PALS2: variants seen among roughly 807,000 people sequenced by gnomAD.
PALS2 encodes protein associated with LIN7 2, MAGUK p55 family member.
PALS2 carries 27 observed loss-of-function variants against 61.6 expected under a neutral mutation model. The observed-to-expected ratio is 0.44, with a 90% CI of 0.32 to 0.60. The LOEUF is 0.60. Ranked by LOEUF, PALS2 falls within the 20% of genes least tolerant of loss-of-function variation. The pLI is 0.05. For missense variants in PALS2, 554 were observed against 639.4 expected (o/e 0.87, Z 1.44); for synonymous variants, 236 against 218.6 (o/e 1.08, Z -0.70).
In PALS2 at chr7:24,638,622, C is replaced by T. The variant is rs1477515841; in HGVS notation, c.118-3094C>T. 8.9e-5 allele frequency among the ~76,000 whole-genome samples: 4 copies of T among 44,948 alleles called. 1 individual carries two copies. Among genetic ancestry groups the T allele is most frequent in the Non-Finnish European group, 1.4e-4 (4 of 29,444 alleles). 29.5% of individuals were successfully genotyped at this position (44,948 alleles called of 152,430 possible). A position where few individuals can be genotyped will look rare whatever the true frequency, so the allele number is the denominator to read the frequency against. ...CTGGGATTACAGGCGTGAGCCACCGCGCCCGGCCAATTTCTGTATTTTCTA... is the reference window on the plus strand; with the variant it reads ...CTGGGATTACAGGCGTGAGCCACCGTGCCCGGCCAATTTCTGTATTTTCTA... On this transcript the variant is annotated intron_variant, in intron 2 of 11. Transcript: ENST00000222644.
intron 1 of PALS2, among the ~76,000 whole-genome samples, chr7:24,603,889 C>G (rs1466311961): frequency 1.3e-5 from 2 of 152,018 alleles, no homozygotes; most frequent in Non-Finnish European, 2.9e-5. Flanking sequence ...GTTAAGGGTT[C>G]CATATTCAAC....
At chr7:24,592,323 G>C (rs1164531229) in intron 1 of PALS2, among the ~76,000 whole-genome samples, 2 of 152,086 alleles carry the variant, frequency 1.3e-5, no homozygotes, top group Non-Finnish European at 2.9e-5. Context: ...TGAATTTACA[G>C]CAGTATGAAG....
chr7:24,686,198 A>G (rs73079940), intron 11 of PALS2, among the ~76,000 whole-genome samples: 7,080 of 152,248 alleles, frequency 0.047, 215 homozygotes, highest in Non-Finnish European at 0.071. Flanking sequence ...TGATTATTTT[A>G]TCACCAAAAT....
rs769360618 is a variant in PALS2, at chr7:24,663,581, G to T, written c.652-9G>T. On this transcript the variant is annotated splice_polypyrimidine_tract_variant and intron_variant, in intron 5 of 11. Transcript: ENST00000222644. ...ACTATAGTATTTTTAATTGTGCTAT[G>T]TGTTTTAGGTATTTGTGAAGTGTCA... is the stretch of plus-strand genomic sequence containing the variant. 20 of 1,576,768 alleles carry T rather than the reference G, an allele frequency of 1.3e-5. No homozygotes were observed. The highest frequency in any genetic ancestry group is 1.7e-5 in the Non-Finnish European group (20 of 1,155,774).
chr7:24,613,086 A>G (rs1351331812), intron 1 of PALS2, among the ~76,000 whole-genome samples: 1 of 151,624 alleles, frequency 6.6e-6, no homozygotes, highest in Non-Finnish European at 1.5e-5. Context: ...TATTATATTA[A>G]ATTACATTAT....
intron 1 of PALS2, among the ~76,000 whole-genome samples, chr7:24,614,660 C>T (rs1326662093): frequency 1.3e-5 from 2 of 151,930 alleles, no homozygotes; most frequent in Admixed American, 1.3e-4. Context: ...GCATCCCATT[C>T]TCAGCATTGG....
intron 11 of PALS2, among the ~76,000 whole-genome samples, chr7:24,686,695 A>G (rs150624809): frequency 9.9e-4 from 151 of 152,190 alleles, no homozygotes; most frequent in African/African-American, 3.5e-3. Context: ...TCTCTTATTC[A>G]TTGTCATACC....
chr7:24,594,800 ATG>A (rs113207830), intron 1 of PALS2, among the ~76,000 whole-genome samples: 5 of 152,224 alleles, frequency 3.3e-5, no homozygotes, highest in African/African-American at 1.2e-4. Flanking sequence ...TACCCCATGA[ATG>A]TGTGTATTTA....
At chr7:24,651,934 A>T (rs1786173490) in intron 5 of PALS2, among the ~76,000 whole-genome samples, 1 of 152,204 alleles carries the variant, frequency 6.6e-6, no homozygotes, top group Non-Finnish European at 1.5e-5. Context: ...TAATATTAGC[A>T]TGTAAATTGA....
rs371858765 is a variant in PALS2 at position 24,650,601 on chromosome 7, C to T, written c.540C>T (p.Gly180=). ...HVGDIIKEVN[G]HEVGNNPKEL... ...GAGATATAATTAAAGAAGTCAATGG[C>T]CATGAGGTTGGAAATAATCCAAAGG... The change falls in exon 5 of 12, where the codon GGC becomes GGT. Residue 180 remains glycine (G), a synonymous_variant. Coordinates refer to ENST00000222644, the MANE Select transcript of PALS2 (RefSeq NM_001303037.2). 1.4e-5 allele frequency: 22 copies of T among 1,611,570 alleles called. No individual in the cohort carries two copies. The highest frequency in any genetic ancestry group is 1.8e-5 in the Non-Finnish European group (21 of 1,178,290).
At chr7:24,617,241 A>T (rs545597354) in intron 1 of PALS2, among the ~76,000 whole-genome samples, 40 of 151,942 alleles carry the variant, frequency 2.6e-4, no homozygotes, top group African/African-American at 9.7e-4. Flanking sequence ...CTGTTTTCTA[A>T]TATCTCTCTC....
intron 3 of PALS2, among the ~76,000 whole-genome samples, chr7:24,645,650 G>A (rs139709169): frequency 0.016 from 2,450 of 152,220 alleles, 78 homozygotes; most frequent in African/African-American, 0.057. Context: ...CTAGTTCTGT[G>A]AAGAATGTCA....
In PALS2 at chr7:24,618,691, C is replaced by T. The variant is rs932200242; in HGVS notation, c.-2-4975C>T. Among the ~76,000 whole-genome samples, 16 of 152,244 alleles carry T rather than the reference C, an allele frequency of 1.1e-4. No homozygotes were observed. The highest frequency in any genetic ancestry group is 2.6e-4 in the African/African-American group (11 of 41,532). ...TTACCTTCCTCCCCTACCAAGCCTC[C>T]GCTCCCACAAGGAGAAGTCCCTTCT... On this transcript the variant is annotated intron_variant, in intron 1 of 11. Transcript: ENST00000222644. The surrounding 1 kb of genome is among the most constrained non-coding windows in gnomAD (Gnocchi z 5.1).
chr7:24,689,188 C>A lies in PALS2; in HGVS notation c.*1574C>A, dbSNP rs865985285. On this transcript the variant is annotated 3_prime_UTR_variant, in exon 12 of 12. Coordinates refer to ENST00000222644, the MANE Select transcript of PALS2 (RefSeq NM_001303037.2). ...AAGCATTGACTTATACAAATTCCCACATTCACCTCAGTTAATATCTTCCTT... is the reference window on the plus strand; with the variant it reads ...AAGCATTGACTTATACAAATTCCCAAATTCACCTCAGTTAATATCTTCCTT... 1 of 152,214 alleles carries A rather than the reference C, an allele frequency of 6.6e-6. No individual in the cohort carries two copies. Among genetic ancestry groups the A allele is most frequent in the African/African-American group, 2.4e-5 (1 of 41,448 alleles). The allele number at this position is 152,214 out of a possible 1,614,324, so 9.4% of individuals were successfully genotyped here.
chr7:24,633,139 A>T (rs566584868), intron 2 of PALS2, among the ~76,000 whole-genome samples: 59 of 152,132 alleles, frequency 3.9e-4, no homozygotes, highest in African/African-American at 1.4e-3. Context: ...AAAAGATTTT[A>T]TTTTACCTTT....
At chr7:24,649,418 A>G (rs1583944681) in intron 3 of PALS2, among the ~76,000 whole-genome samples, 194 bp from the exon 4 acceptor site, 1 of 152,126 alleles carries the variant, frequency 6.6e-6, no homozygotes, top group Non-Finnish European at 1.5e-5. Flanking sequence ...TTGTTTGATG[A>G]TAATAAAACT....
intron 1 of PALS2, among the ~76,000 whole-genome samples, chr7:24,590,232 A>T (rs185541809): frequency 2.0e-5 from 3 of 152,246 alleles, no homozygotes; most frequent in African/African-American, 7.2e-5. Flanking sequence ...TTTCAATCTT[A>T]CCTGCTTTCT....
intron 5 of PALS2, among the ~76,000 whole-genome samples, chr7:24,653,348 T>C (rs1353724299): frequency 6.6e-6 from 1 of 151,604 alleles, no homozygotes; most frequent in African/African-American, 2.4e-5. Flanking sequence ...TTTTAAAAAA[T>C]GATTAGTAAA....
At chr7:24,632,184 C>T (rs1785026110) in intron 2 of PALS2, among the ~76,000 whole-genome samples, 1 of 152,178 alleles carries the variant, frequency 6.6e-6, no homozygotes, top group South Asian at 2.1e-4. Context: ...CAACTCTTAT[C>T]GTTATGTAAT....
Sources: gnomAD v4.1 joint callset for allele counts (sites outside exome capture counted in the v4.1 genomes callset) on GRCh38, gnomAD v4.1.1 for gene constraint, Gnocchi (gnomAD v3.1) non-coding constraint, MANE v1.5 for transcripts, NCBI Gene and HGNC (gene_info 2026-07-23, HGNC 2026-07-21) for gene names.